The following STAT4 variants were observed in gnomAD, a reference collection of about 807,000 sequenced individuals.
The protein encoded by STAT4 is signal transducer and activator of transcription 4.
A neutral mutation model predicts 110.5 loss-of-function variants in STAT4; 42 were observed. That is an observed-to-expected ratio of 0.38 (90% CI 0.30 to 0.49). The LOEUF is 0.49. Ranked by LOEUF, STAT4 falls within the 20% of genes least tolerant of loss-of-function variation. The probability of loss-of-function intolerance (pLI) is 0.95; values close to 1 mark genes in which losing one functional copy is unlikely to be tolerated. For missense variants in STAT4, 632 were observed against 887.9 expected (o/e 0.71, Z 3.66); for synonymous variants, 284 against 302.2 (o/e 0.94, Z 0.63).
rs760220932 is a variant in STAT4, at chr2:191,076,328, G to GA, written c.274-4dup. The GA allele has an allele frequency of 0.029, 37,221 of 1,283,904 alleles. 11 individuals are homozygous for GA. Among genetic ancestry groups the GA allele is most frequent in the Middle Eastern group, 0.036 (174 of 4,892 alleles). The allele number at this position is 1,283,904 out of a possible 1,614,324, so 79.5% of individuals were successfully genotyped here. A position where few individuals can be genotyped will look rare whatever the true frequency, so the allele number is the denominator to read the frequency against. On this transcript the variant is annotated splice_region_variant and splice_polypyrimidine_tract_variant and intron_variant, in intron 3 of 23. Transcript: ENST00000392320. The stretch of plus-strand genomic sequence containing the variant: ...ATTGGATTTCCATGAAATTTTCCCT[G>GA]AAAAAAAAAACAATGAGCAAAAATA...
At chr2:191,111,018 T>C (rs1250330860) in intron 3 of STAT4, among the ~76,000 whole-genome samples, 2 of 152,154 alleles carry the variant, frequency 1.3e-5, no homozygotes, top group Non-Finnish European at 2.9e-5. Context: ...ACTCCTGAGC[T>C]CAGGTGATCC....
intron 3 of STAT4, among the ~76,000 whole-genome samples, chr2:191,126,552 C>T (rs1028921079): frequency 6.6e-6 from 1 of 152,220 alleles, no homozygotes; most frequent in Non-Finnish European, 1.5e-5. Flanking sequence ...TATCTCCCCA[C>T]CCACTTCCTC....
rs1699284998 is a variant in STAT4, at chr2:191,140,232, A to G, written c.273+6381T>C. ...CCCCACAAGCAAATGCAACAAAAAC[A>G]AAGATAAATAGATGGGACCTAATTA... is the stretch of plus-strand genomic sequence containing the variant. On this transcript the variant is annotated intron_variant, in intron 3 of 23. Transcript: ENST00000392320. This position sits in a 1 kb window ranked among gnomAD's most constrained non-coding sequence, Gnocchi z 4.4. Among the ~76,000 whole-genome samples the G allele has an allele frequency of 6.6e-6, 1 of 152,232 alleles. No individual in the cohort carries two copies. The highest frequency in any genetic ancestry group is 1.5e-5 in the Non-Finnish European group (1 of 68,024).
In STAT4 at chr2:191,062,614, T is replaced by C; in HGVS notation, c.941+148A>G. 1.3e-6 allele frequency: 1 copy of C among 772,882 alleles called. No homozygotes were observed. Among genetic ancestry groups the C allele is most frequent in the Non-Finnish European group, 2.0e-6 (1 of 492,872 alleles). The allele number at this position is 772,882 out of a possible 1,614,324, so 47.9% of individuals were successfully genotyped here. A position where few individuals can be genotyped will look rare whatever the true frequency, so the allele number is the denominator to read the frequency against. On this transcript the variant is annotated intron_variant, in intron 9 of 23. Coordinates refer to ENST00000392320, the MANE Select transcript of STAT4 (RefSeq NM_003151.4). This position sits in a 1 kb window ranked among gnomAD's most constrained non-coding sequence, Gnocchi z 4.9. The stretch of plus-strand genomic sequence containing the variant: ...AAATAGTGAAGAGTAGAAATGTGGT[T>C]TCTAAAACTTTCTGGGGTTCTATTC...
Position 191,058,810 on chromosome 2 carries a change from TAA to T in STAT4, c.1035-43_1035-42del, listed in dbSNP as rs1437695264. ...AATAAAAAAAATCAAAGATAAAAAT[TAA>T]AAGTGTTTAAAAACCCTTTTTTATA... On this transcript the variant is annotated intron_variant, in intron 10 of 23. Coordinates refer to ENST00000392320, the MANE Select transcript of STAT4 (RefSeq NM_003151.4). The surrounding 1 kb of genome is among the most constrained non-coding windows in gnomAD (Gnocchi z 4.3). The T allele has an allele frequency of 3.3e-6, 4 of 1,225,928 alleles. No individual in the cohort carries two copies. Among genetic ancestry groups the T allele is most frequent in the Admixed American group, 4.2e-5 (2 of 47,288 alleles). The allele number at this position is 1,225,928 out of a possible 1,614,324, so 75.9% of individuals were successfully genotyped here. A position where few individuals can be genotyped will look rare whatever the true frequency, so the allele number is the denominator to read the frequency against.
chr2:191,088,642 CA>C (rs1185099654), intron 3 of STAT4, among the ~76,000 whole-genome samples: 66 of 152,134 alleles, frequency 4.3e-4, no homozygotes, highest in African/African-American at 1.6e-3. Flanking sequence ...AAGAGAAAAC[CA>C]AAGTTGAAGT....
In STAT4 at chr2:191,051,836, C is replaced by A. The variant is rs762263692; in HGVS notation, c.1251+2654G>T. On this transcript the variant is annotated intron_variant, in intron 14 of 23. Coordinates refer to ENST00000392320, the MANE Select transcript of STAT4 (RefSeq NM_003151.4). The surrounding 1 kb of genome is among the most constrained non-coding windows in gnomAD (Gnocchi z 5.6). ...TTGGCCCTGCCATCAACTGCCCCCA[C>A]TATCTTGAGTAAGCTGTGTGACCAC... is the stretch of plus-strand genomic sequence containing the variant. 3.9e-5 allele frequency among the ~76,000 whole-genome samples: 6 copies of A among 152,212 alleles called. No individual in the cohort carries two copies. Among genetic ancestry groups the A allele is most frequent in the Non-Finnish European group, 5.9e-5 (4 of 68,034 alleles).
In STAT4 at chr2:191,069,675, G is replaced by A. The variant is rs761289130; in HGVS notation, c.544+18C>T. The A allele has an allele frequency of 1.2e-5, 19 of 1,598,094 alleles. No homozygotes were observed. The Admixed American group carries it at 1.4e-4, about 12-fold the overall frequency. On this transcript the variant is annotated intron_variant, in intron 6 of 23. Coordinates refer to ENST00000392320, the MANE Select transcript of STAT4 (RefSeq NM_003151.4). ...CTTTTTGTCTCTATGCATAATTATA[G>A]AAAAAACAAAAACTTACCCATTGTC...
chr2:191,076,379 A>G, intron 3 of STAT4, 54 bp from the exon 4 acceptor site: 1 of 1,295,484 alleles, frequency 7.7e-7, no homozygotes, highest in Admixed American at 2.1e-5. Context: ...AAATATATGT[A>G]TCATAAGAAA....
Position 191,033,180 on chromosome 2 carries a change from G to C in STAT4, c.1853-31C>G, listed in dbSNP as rs373200261. On this transcript the variant is annotated intron_variant, in intron 20 of 23. Coordinates refer to ENST00000392320, the MANE Select transcript of STAT4 (RefSeq NM_003151.4). This position sits in a 1 kb window ranked among gnomAD's most constrained non-coding sequence, Gnocchi z 6.9. ...AAAACAGAAATTGGAGAAATATACA[G>C]GTTCCTGTACACATTCCTTGTGACC... The C allele has an allele frequency of 6.2e-7, 1 of 1,604,200 alleles. No homozygotes were observed. The highest frequency in any genetic ancestry group is 1.1e-5 in the South Asian group (1 of 89,902).
rs1698604318 is a variant in STAT4, at chr2:191,117,540, G to A, written c.273+29073C>T. Among the ~76,000 whole-genome samples the A allele has an allele frequency of 6.6e-6, 1 of 152,198 alleles. No homozygotes were observed. Among genetic ancestry groups the A allele is most frequent in the Non-Finnish European group, 1.5e-5 (1 of 68,040 alleles). On this transcript the variant is annotated intron_variant, in intron 3 of 23. Coordinates refer to ENST00000392320, the MANE Select transcript of STAT4 (RefSeq NM_003151.4). The surrounding 1 kb of genome is among the most constrained non-coding windows in gnomAD (Gnocchi z 5.2). ...ATGTGATTAAGTGTCAGGATGAGTT[G>A]TTTGGACACTAAGTGCTGTGGGAGT...
At chr2:191,066,000 C>T (rs539171150) in intron 7 of STAT4, among the ~76,000 whole-genome samples, 13 of 152,274 alleles carry the variant, frequency 8.5e-5, no homozygotes, top group African/African-American at 2.9e-4. Context: ...AATTGCTTAA[C>T]ACTACGTCAT....
rs1293074383 is a variant in STAT4, at chr2:191,059,699, T to C, written c.1035-930A>G. 6.6e-6 allele frequency among the ~76,000 whole-genome samples: 1 copy of C among 152,164 alleles called. No homozygotes were observed. Among genetic ancestry groups the C allele is most frequent in the Non-Finnish European group, 1.5e-5 (1 of 68,030 alleles). ...ATGGCGATAAGCAGCTCACTGGCAT[T>C]AGAGAAATGAAATCATAGCTCATGG... On this transcript the variant is annotated intron_variant, in intron 10 of 23. Coordinates refer to ENST00000392320, the MANE Select transcript of STAT4 (RefSeq NM_003151.4). The surrounding 1 kb of genome is among the most constrained non-coding windows in gnomAD (Gnocchi z 4.7).
rs116972414 is a variant in STAT4 at position 191,103,048 on chromosome 2, T to C, written c.274-26723A>G. ...CCTATCCTAGTCACAACCTCTCTCTTTTCACATCATTCTTTAAAATTTTTC... is the reference window on the plus strand; with the variant it reads ...CCTATCCTAGTCACAACCTCTCTCTCTTCACATCATTCTTTAAAATTTTTC... On this transcript the variant is annotated intron_variant, in intron 3 of 23. Transcript: ENST00000392320. Among the ~76,000 whole-genome samples, 14 of 152,306 alleles carry C rather than the reference T, an allele frequency of 9.2e-5. No individual in the cohort carries two copies. In the East Asian group the frequency reaches 2.7e-3, roughly 29 times the overall value.
rs1697537454 is a variant in STAT4, at chr2:191,083,223, G to C, written c.274-6898C>G. Among the ~76,000 whole-genome samples the C allele has an allele frequency of 6.6e-6, 1 of 152,212 alleles. No individual in the cohort carries two copies. The highest frequency in any genetic ancestry group is 2.1e-4 in the South Asian group (1 of 4,830). On this transcript the variant is annotated intron_variant, in intron 3 of 23. Transcript: ENST00000392320. The surrounding 1 kb of genome is among the most constrained non-coding windows in gnomAD (Gnocchi z 4.6). The stretch of plus-strand genomic sequence containing the variant: ...AAAACACTGTTATGGGAGTGGGCAA[G>C]TGAGACGAGGAAGAGAAGGGAGCCA...
intron 3 of STAT4, among the ~76,000 whole-genome samples, chr2:191,105,111 T>A (rs1698241658): frequency 6.6e-6 from 1 of 152,246 alleles, no homozygotes; most frequent in Non-Finnish European, 1.5e-5. Flanking sequence ...TTTCAAAGTC[T>A]AACACTGTGA....
In STAT4 at chr2:191,097,081, T is replaced by A. The variant is rs149239840; in HGVS notation, c.274-20756A>T. On this transcript the variant is annotated intron_variant, in intron 3 of 23. Coordinates refer to ENST00000392320, the MANE Select transcript of STAT4 (RefSeq NM_003151.4). ...CTTACAAGGGATGTGAAGGACCTCTTCAAGGAAAAACACAAACCACTGCTC... is the reference window on the plus strand; with the variant it reads ...CTTACAAGGGATGTGAAGGACCTCTACAAGGAAAAACACAAACCACTGCTC... Among the ~76,000 whole-genome samples the A allele has an allele frequency of 4.3e-3, 655 of 152,210 alleles. 7 individuals carry two copies. The highest frequency in any genetic ancestry group is 0.015 in the African/African-American group (623 of 41,508).
intron 3 of STAT4, among the ~76,000 whole-genome samples, chr2:191,114,754 C>A (rs759733908): frequency 1.1e-4 from 16 of 152,144 alleles, no homozygotes; most frequent in Non-Finnish European, 1.2e-4. Flanking sequence ...TTACGGGCTG[C>A]AGAGCTGGGG....
chr2:191,075,837 C>CTTTTTTTTTTT (rs71407854), intron 4 of STAT4, among the ~76,000 whole-genome samples: 27 of 121,458 alleles, frequency 2.2e-4, no homozygotes, highest in Middle Eastern at 4.5e-3. Flanking sequence ...TTCTTTCTTT[C>CTTTTTTTTTTT]TTTTTTTTTT....
Sources: gnomAD v4.1 joint callset for allele counts (sites outside exome capture counted in the v4.1 genomes callset) on GRCh38, gnomAD v4.1.1 for gene constraint, Gnocchi (gnomAD v3.1) non-coding constraint, MANE v1.5 for transcripts, NCBI Gene and HGNC (gene_info 2026-07-23, HGNC 2026-07-21) for gene names.